The following C12orf50 variants were observed in gnomAD, a reference collection of about 807,000 sequenced individuals.
The protein encoded by C12orf50 is zinc finger CCCH-type containing 11D.
Under a neutral mutation model 61.6 loss-of-function variants are expected in C12orf50, and 35 were observed. The ratio of observed to expected loss-of-function variants is 0.57; its 90% CI spans 0.43 to 0.75. The LOEUF (loss-of-function observed/expected upper bound fraction) is 0.75. Among genes scored for constraint, C12orf50 ranks in the 30% least tolerant of loss-of-function variants. C12orf50 has a pLI of 0.00. For missense variants in C12orf50, 475 were observed against 488.5 expected (o/e 0.97, Z 0.26); for synonymous variants, 178 against 161.5 (o/e 1.10, Z -0.77).
At chr12:87,999,741 A>G (rs984772272) in intron 3 of C12orf50, among the ~76,000 whole-genome samples, 1 of 152,098 alleles carries the variant, frequency 6.6e-6, no homozygotes, top group African/African-American at 2.4e-5. Flanking sequence ...GTTTATATCA[A>G]CATTATTTAT....
At chr12:88,005,182 G>A (rs1365766994) in intron 3 of C12orf50, among the ~76,000 whole-genome samples, 1 of 152,168 alleles carries the variant, frequency 6.6e-6, no homozygotes, top group Non-Finnish European at 1.5e-5. Context: ...AGCTCAACAT[G>A]TGTGATAATA....
At chr12:87,992,143 A>C (rs2031154063) in intron 7 of C12orf50, among the ~76,000 whole-genome samples, 1 of 152,154 alleles carries the variant, frequency 6.6e-6, no homozygotes, top group Admixed American at 6.5e-5. Flanking sequence ...TAGTGAGGCA[A>C]CCTCAAGAGA....
intron 7 of C12orf50, among the ~76,000 whole-genome samples, chr12:87,994,315 A>T (rs1311823355): frequency 6.6e-6 from 1 of 152,164 alleles, no homozygotes; most frequent in Non-Finnish European, 1.5e-5. Flanking sequence ...TACAGCACAT[A>T]CATAACACCT....
At chr12:88,006,830 C>G (rs1030928658) in intron 3 of C12orf50, among the ~76,000 whole-genome samples, 4 of 152,168 alleles carry the variant, frequency 2.6e-5, no homozygotes, top group African/African-American at 9.7e-5. Context: ...GCTCTGTGTT[C>G]TTGGCTGTAT....
intron 3 of C12orf50, among the ~76,000 whole-genome samples, chr12:88,018,035 C>T: frequency 6.6e-6 from 1 of 152,200 alleles, no homozygotes; most frequent in South Asian, 2.1e-4. Context: ...AAGCTGGCTG[C>T]AGAAATTTTC....
chr12:87,989,430 T>C, intron 7 of C12orf50, 59 bp from the exon 8 acceptor site: 1 of 1,214,062 alleles, frequency 8.2e-7, no homozygotes. Flanking sequence ...AAACTAGCTT[T>C]CAATACAGGA....
chr12:88,020,956 T>C (rs1446627722), intron 3 of C12orf50, among the ~76,000 whole-genome samples: 1 of 152,008 alleles, frequency 6.6e-6, no homozygotes, highest in Non-Finnish European at 1.5e-5. Context: ...AACAATGAAA[T>C]TATGGCAGAA....
intron 3 of C12orf50, among the ~76,000 whole-genome samples, chr12:88,026,032 A>T (rs1036903986): frequency 2.6e-5 from 4 of 152,174 alleles, no homozygotes; most frequent in African/African-American, 9.7e-5. Context: ...GTTAGAAAGA[A>T]CCATCACACA....
chr12:87,987,785 G>T (rs1366176156), intron 9 of C12orf50, 65 bp downstream of exon 9: 4 of 1,048,336 alleles, frequency 3.8e-6, no homozygotes, highest in Non-Finnish European at 5.7e-6. Context: ...TTTTAAATAA[G>T]CAAAACAAAT....
At chr12:88,006,648 G>A (rs1447031318) in intron 3 of C12orf50, among the ~76,000 whole-genome samples, 1 of 152,188 alleles carries the variant, frequency 6.6e-6, no homozygotes, top group Non-Finnish European at 1.5e-5. Context: ...CCTGCTGCAC[G>A]TGGGATAGAA....
At position 87,986,032 on chromosome 12, in the gene C12orf50, T is replaced by TG; in HGVS notation, c.943dup (p.Gln315ProfsTer3). On this transcript the variant is annotated frameshift_variant, in exon 11 of 13. Transcript: ENST00000298699. LOFTEE classifies it high-confidence loss of function. ...ATTGCGGTGATAACTCATTTTATTT[T>TG]GGGGTCTTGGGGCCTGTACTGCTGT... The TG allele has an allele frequency of 6.2e-7, 1 of 1,613,800 alleles. No homozygotes were observed. The highest frequency in any genetic ancestry group is 8.5e-7 in the Non-Finnish European group (1 of 1,179,794).
intron 3 of C12orf50, among the ~76,000 whole-genome samples, chr12:88,003,930 T>C (rs1156446845): frequency 1.3e-5 from 2 of 152,096 alleles, no homozygotes; most frequent in Non-Finnish European, 2.9e-5. Context: ...TTAGGCTTTG[T>C]TCATCTTTTT....
Position 88,026,503 on chromosome 12 carries a change from A to G in C12orf50, c.118T>C (p.Leu40=). 1 of 1,613,848 alleles carries G rather than the reference A, an allele frequency of 6.2e-7. No homozygotes were observed. The highest frequency in any genetic ancestry group is 1.7e-4 in the Middle Eastern group (1 of 6,060). The part of the protein sequence containing the change: ...SKPRNINGLF[L]PPSSNITLQK... ...ATGTACTCACTGCTACTTGGTGGCA[A>G]AAATAATCCATTGATATTTCGAGGT... Residue 40 remains leucine (L), a synonymous_variant, in exon 3 of 13, where the codon TTG becomes CTG. Coordinates refer to ENST00000298699, the MANE Select transcript of C12orf50 (RefSeq NM_152589.3).
At chr12:88,017,176 C>G (rs1210555534) in intron 3 of C12orf50, among the ~76,000 whole-genome samples, 2 of 152,154 alleles carry the variant, frequency 1.3e-5, no homozygotes, top group Non-Finnish European at 2.9e-5. Context: ...TGTAACTTCC[C>G]AAATTCCCAC....
chr12:87,995,713 T>C (rs1011913056), intron 6 of C12orf50, among the ~76,000 whole-genome samples: 1 of 152,224 alleles, frequency 6.6e-6, no homozygotes, highest in Non-Finnish European at 1.5e-5. Context: ...TGAGCAGTGC[T>C]GGCCTGCAAT....
intron 12 of C12orf50, 45 bp downstream of exon 12, chr12:87,983,057 AT>A: frequency 8.5e-7 from 1 of 1,174,694 alleles, no homozygotes; most frequent in Non-Finnish European, 1.2e-6. Flanking sequence ...AAACTTATTC[AT>A]TTTCAGAATT....
intron 1 of C12orf50, among the ~76,000 whole-genome samples, chr12:88,028,167 T>A (rs968565259): frequency 1.3e-4 from 20 of 152,234 alleles, no homozygotes; most frequent in Admixed American, 4.6e-4. Context: ...GGTAACTTAC[T>A]CATTAGCCAC....
At chr12:88,028,320 G>A (rs1197770363) in intron 1 of C12orf50, among the ~76,000 whole-genome samples, 3 of 152,126 alleles carry the variant, frequency 2.0e-5, no homozygotes, top group Non-Finnish European at 4.4e-5. Flanking sequence ...TGGTCAGAGA[G>A]GTTGACTCCA....
intron 1 of C12orf50, 32 bp downstream of exon 1, chr12:88,029,308 T>A (rs1283419887): frequency 5.1e-6 from 1 of 197,388 alleles, no homozygotes; most frequent in Non-Finnish European, 1.1e-5. Context: ...ACGCAATAGA[T>A]AATTCTTAAA....
Sources: gnomAD v4.1 joint callset for allele counts (sites outside exome capture counted in the v4.1 genomes callset) on GRCh38, gnomAD v4.1.1 for gene constraint, MANE v1.5 for transcripts, NCBI Gene and HGNC (gene_info 2026-07-23, HGNC 2026-07-21) for gene names.